RAB13: variants seen among roughly 807,000 people sequenced by gnomAD.
The protein encoded by RAB13 is ras-related protein Rab-13.
Under a neutral mutation model 29.3 loss-of-function variants are expected in RAB13, and 15 were observed. The ratio of observed to expected loss-of-function variants is 0.51; its 90% confidence interval spans 0.34 to 0.79. The LOEUF is 0.79. Ranked by LOEUF, RAB13 falls within the 30% of genes least tolerant of loss-of-function variation. The pLI, the probability that RAB13 is intolerant of heterozygous loss-of-function variation, is 0.01. For missense variants in RAB13, 186 were observed against 255.5 expected, an observed-to-expected ratio of 0.73 and a Z score of 1.85; for synonymous variants, 82 against 93.8, an observed-to-expected ratio of 0.87 and a Z score of 0.73.
At chr1:153,985,067 A>G (rs977774251) in intron 1 of RAB13, 6 of 1,143,812 alleles carry the variant, frequency 5.2e-6, no homozygotes, top group Non-Finnish European at 6.4e-6. Context: ...GGGTCCATTC[A>G]GTTATACCAG....
At chr1:153,983,498 T>G (rs761811925) in intron 3 of RAB13, 23 bp downstream of exon 3, 4 of 1,583,684 alleles carry the variant, frequency 2.5e-6, no homozygotes, top group Non-Finnish European at 3.5e-6. Flanking sequence ...CCTTCATCCT[T>G]TGTTCAGACC....
At chr1:153,985,938 G>A (rs1234317462) in intron 1 of RAB13, 175 bp downstream of exon 1, 1 of 1,141,940 alleles carries the variant, frequency 8.8e-7, no homozygotes, top group Non-Finnish European at 1.2e-6. Context: ...AGAGGTGAGA[G>A]GTTTGGTTAC....
In RAB13 at chr1:153,986,162, G is replaced by T. The variant is rs1196938504; in HGVS notation, c.75C>A (p.Ile25=). 23 of 1,613,800 alleles carry T rather than the reference G, an allele frequency of 1.4e-5. No individual in the cohort carries two copies. The highest frequency in any genetic ancestry group is 1.9e-5 in the Non-Finnish European group (23 of 1,179,940). The change falls in exon 1 of 8, where the codon ATC becomes ATA. Residue 25 remains isoleucine (I), a synonymous_variant. Transcript: ENST00000368575. ...TGAAGTTGTCCTCTGCAAAGCGAAT[G>T]ATCAGACAAGTCTTGCCCACCCCCG... ...GDSGVGKTCL[I]IRFAEDNFNN... is the part of the protein sequence containing the mutation.
chr1:153,985,566 GGGCCACC>G (rs1394293577), intron 1 of RAB13, among the ~76,000 whole-genome samples: 2 of 152,084 alleles, frequency 1.3e-5, no homozygotes, highest in Non-Finnish European at 2.9e-5. Flanking sequence ...CACAGTCCTT[GGGCCACC>G]CTCCAGCACA....
chr1:153,984,491 G>A (rs1338939910), intron 2 of RAB13, among the ~76,000 whole-genome samples: 1 of 152,186 alleles, frequency 6.6e-6, no homozygotes, highest in Non-Finnish European at 1.5e-5. Context: ...TTAAGAGGAT[G>A]CTCTGCAGCC....
At chr1:153,987,528 A>AAAAAAAAAAAAAAAAAG (rs570485139), upstream of RAB13, among the ~76,000 whole-genome samples, 67 of 127,476 alleles carry the variant, frequency 5.3e-4, no homozygotes, top group Non-Finnish European at 8.4e-4. Context: ...AAAAAAAAAA[A>AAAAAAAAAAAAAAAAAG]AAAGAAAGAA....
intron 2 of RAB13, among the ~76,000 whole-genome samples, chr1:153,984,050 G>A (rs1368037977): frequency 6.6e-6 from 1 of 151,622 alleles, no homozygotes; most frequent in East Asian, 1.9e-4. Flanking sequence ...AGTGGCGGGC[G>A]CCTGTAATCC....
chr1:153,984,843 T>C, intron 1 of RAB13, 62 bp from the exon 2 acceptor site: 1 of 1,551,066 alleles, frequency 6.4e-7, no homozygotes, highest in Non-Finnish European at 8.8e-7. Context: ...AACTGTGTGA[T>C]GGAAGGGACA....
chr1:153,987,212 A>G (rs941736992), upstream of RAB13, among the ~76,000 whole-genome samples: 14 of 152,206 alleles, frequency 9.2e-5, no homozygotes, highest in Non-Finnish European at 1.8e-4. Flanking sequence ...GCACGGGTAT[A>G]AAGAAACAAG....
At chr1:153,989,398 C>T (rs1347280195), upstream of RAB13, among the ~76,000 whole-genome samples, 1 of 150,248 alleles carries the variant, frequency 6.7e-6, no homozygotes, top group Non-Finnish European at 1.5e-5. Flanking sequence ...TACAGGCGCC[C>T]GCCACCGCGC....
chr1:153,982,492 T>C, intron 6 of RAB13, 43 bp downstream of exon 6: 1 of 1,606,818 alleles, frequency 6.2e-7, no homozygotes, highest in Non-Finnish European at 8.5e-7. Flanking sequence ...ATCTACCTTC[T>C]AATACTTCCT....
chr1:153,983,370 T>C (rs552070663), intron 3 of RAB13, 74 bp from the exon 4 acceptor site: 1 of 1,496,756 alleles, frequency 6.7e-7, no homozygotes, highest in Non-Finnish European at 9.3e-7. Flanking sequence ...TGACCCCGCA[T>C]CCATGGGTCT....
At chr1:153,990,100 G>C (rs1406873401), upstream of RAB13, among the ~76,000 whole-genome samples, 3 of 152,068 alleles carry the variant, frequency 2.0e-5, no homozygotes, top group South Asian at 2.1e-4. Flanking sequence ...ATTTAAGACA[G>C]AGTCTTGTTC....
intron 2 of RAB13, 39 bp downstream of exon 2, chr1:153,984,682 T>C: frequency 6.5e-7 from 1 of 1,548,626 alleles, no homozygotes; most frequent in Non-Finnish European, 8.9e-7. Flanking sequence ...AGGAGGTAAA[T>C]GGGGAAGTCT....
upstream of RAB13, among the ~76,000 whole-genome samples, chr1:153,987,901 A>T (rs1056191926): frequency 6.6e-6 from 1 of 151,726 alleles, no homozygotes; most frequent in Non-Finnish European, 1.5e-5. Flanking sequence ...GGCTGTAGTG[A>T]GCCACGATTA....
At chr1:153,989,755 G>T (rs953466214), upstream of RAB13, among the ~76,000 whole-genome samples, 4 of 151,704 alleles carry the variant, frequency 2.6e-5, no homozygotes, top group Non-Finnish European at 4.4e-5. Context: ...AGCCGGGCAT[G>T]GTGCCGCATG....
At chr1:153,985,019 A>G in intron 1 of RAB13, 1 of 1,236,780 alleles carries the variant, frequency 8.1e-7, no homozygotes, top group Middle Eastern at 3.2e-4. Context: ...GGTGACGAAA[A>G]TTCTGCATGG....
intron 4 of RAB13, 75 bp from the exon 5 acceptor site, chr1:153,982,883 T>C: frequency 1.4e-6 from 2 of 1,447,194 alleles, no homozygotes; most frequent in Non-Finnish European, 1.9e-6. Context: ...TCCCAGCACT[T>C]TGGGAGGCCA....
upstream of RAB13, among the ~76,000 whole-genome samples, chr1:153,987,044 C>G (rs1649191710): frequency 6.6e-6 from 1 of 152,180 alleles, no homozygotes; most frequent in Admixed American, 6.5e-5. Context: ...TGTGATTTCT[C>G]TGACCAAATA....
Sources: gnomAD v4.1 joint callset for allele counts (sites outside exome capture counted in the v4.1 genomes callset) on GRCh38, gnomAD v4.1.1 for gene constraint, MANE v1.5 for transcripts, NCBI Gene and HGNC (gene_info 2026-07-23, HGNC 2026-07-21) for gene names.